EIF4A3: variants seen among roughly 807,000 people sequenced by gnomAD.
EIF4A3 encodes eukaryotic initiation factor 4A-III.
Under a neutral mutation model 55.6 loss-of-function variants are expected in EIF4A3, and 1 was observed. That is an observed-to-expected ratio of 0.02 (90% CI 0.01 to 0.09). EIF4A3 has a LOEUF of 0.09. EIF4A3 is among the 10% of genes least tolerant of loss of function. The pLI is 1.00. For synonymous variants in EIF4A3, 194 were observed against 196.3 expected, an observed-to-expected ratio of 0.99 and a Z score of 0.10; for missense variants, 221 against 540.7, an observed-to-expected ratio of 0.41 and a Z score of 5.86.
rs2039601000 is a variant in EIF4A3, at chr17:80,139,568, AT to A, written c.586+101del. 4 of 993,790 alleles carry A rather than the reference AT, an allele frequency of 4.0e-6. No homozygotes were observed. In the Admixed American group the frequency reaches 7.9e-5, roughly 20 times the overall value. The allele number at this position is 993,790 out of a possible 1,614,324, so 61.6% of individuals were successfully genotyped here. ...ATTGTTTTTCCACGATGAAAACACTATTCACATTCAGAACAGTCACTGGCTG... is the reference window on the plus strand; with the variant it reads ...ATTGTTTTTCCACGATGAAAACACTATCACATTCAGAACAGTCACTGGCTG... On this transcript the variant is annotated intron_variant, in intron 6 of 11. Transcript: ENST00000649764.
rs765388959 is a variant in EIF4A3 at position 80,144,149 on chromosome 17, C to A, written c.242+23G>T. The stretch of plus-strand genomic sequence containing the variant: ...CTGCCCAAATTTACATCCAGCCCTG[C>A]GCCGCACCCCAGGACAACTTACTGT... On this transcript the variant is annotated intron_variant, in intron 2 of 11. Transcript: ENST00000649764. 5.0e-6 allele frequency: 8 copies of A among 1,611,928 alleles called. No individual in the cohort carries two copies. The Admixed American group carries it at 5.0e-5, about 10-fold the overall frequency.
chr17:80,141,175 T>C, intron 4 of EIF4A3, 144 bp downstream of exon 4: 1 of 798,188 alleles, frequency 1.3e-6, no homozygotes, highest in African/African-American at 1.7e-5. Context: ...ATTTATATAA[T>C]GATTAATGGC....
At chr17:80,142,758 T>C (rs866770718) in intron 2 of EIF4A3, among the ~76,000 whole-genome samples, 1 of 151,808 alleles carries the variant, frequency 6.6e-6, no homozygotes, top group Non-Finnish European at 1.5e-5. Context: ...ACAAAAAAAA[T>C]GTTTAGGCCG....
chr17:80,144,130 A>G (rs761148453), intron 2 of EIF4A3, 42 bp downstream of exon 2: 4 of 1,605,104 alleles, frequency 2.5e-6, no homozygotes, highest in Non-Finnish European at 3.4e-6. Context: ...TGCGCTGCCC[A>G]AATTTACATC....
At chr17:80,145,291 G>C (rs1401004078) in intron 1 of EIF4A3, among the ~76,000 whole-genome samples, 1 of 152,182 alleles carries the variant, frequency 6.6e-6, no homozygotes. Flanking sequence ...ACGGCCAGGT[G>C]GGGTGGCTCA....
chr17:80,144,149 C>T (rs765388959), intron 2 of EIF4A3, 23 bp downstream of exon 2: 7 of 1,611,926 alleles, frequency 4.3e-6, no homozygotes, highest in South Asian at 3.3e-5. Context: ...TCCAGCCCTG[C>T]GCCGCACCCC....
rs548922400 is a variant in EIF4A3, at chr17:80,135,647, G to A, written c.1220-141C>T. 650 of 748,952 alleles carry A rather than the reference G, an allele frequency of 8.7e-4. 4 individuals are homozygous for A. In the South Asian group the frequency reaches 0.011, roughly 13 times the overall value. 46.4% of individuals were successfully genotyped at this position (748,952 alleles called of 1,614,324 possible). On this transcript the variant is annotated intron_variant, in intron 11 of 11. Transcript: ENST00000649764. Reference sequence around the variant, plus strand: ...ATAGTGGCTCACGCCTGTAATCCCAGCACTTTGGGAGGCTGAGGTGGGCAG... The same window carrying A: ...ATAGTGGCTCACGCCTGTAATCCCAACACTTTGGGAGGCTGAGGTGGGCAG...
chr17:80,139,844 T>C (rs923845495), intron 5 of EIF4A3, 94 bp from the exon 6 acceptor site: 4 of 1,495,178 alleles, frequency 2.7e-6, no homozygotes, highest in Admixed American at 3.8e-5. Context: ...AGCTCATCAT[T>C]CCACTGGTCT....
At chr17:80,135,660 C>T (rs1308346710) in intron 11 of EIF4A3, 154 bp from the exon 12 acceptor site, 1 of 681,542 alleles carries the variant, frequency 1.5e-6, no homozygotes, top group African/African-American at 1.8e-5. Flanking sequence ...CTTTGGGAGG[C>T]TGAGGTGGGC....
intron 4 of EIF4A3, 135 bp downstream of exon 4, chr17:80,141,184 G>A (rs1217510498): frequency 3.4e-6 from 3 of 873,932 alleles, no homozygotes; most frequent in Admixed American, 2.7e-5. Context: ...ATGATTAATG[G>A]CAAAATGTTA....
chr17:80,137,904 C>T (rs796647524), intron 8 of EIF4A3, among the ~76,000 whole-genome samples: 2 of 152,258 alleles, frequency 1.3e-5, no homozygotes, highest in South Asian at 2.1e-4. Flanking sequence ...CTTCAGCCAA[C>T]GAAATCTGAA....
intron 3 of EIF4A3, among the ~76,000 whole-genome samples, 160 bp from the exon 4 acceptor site, chr17:80,141,541 A>G (rs1006598727): frequency 2.0e-5 from 3 of 152,252 alleles, no homozygotes; most frequent in African/African-American, 7.2e-5. Context: ...TGCAAATCCA[A>G]CAATAACTTA....
At chr17:80,145,328 G>C (rs562207836) in intron 1 of EIF4A3, among the ~76,000 whole-genome samples, 1 of 152,336 alleles carries the variant, frequency 6.6e-6, no homozygotes, top group Admixed American at 6.5e-5. Flanking sequence ...ACTTTGGGAG[G>C]CTGAGGCTGG....
At chr17:80,142,648 G>A (rs1233905184) in intron 2 of EIF4A3, among the ~76,000 whole-genome samples, 1 of 152,200 alleles carries the variant, frequency 6.6e-6, no homozygotes, top group Non-Finnish European at 1.5e-5. Flanking sequence ...GGGAGGTTGA[G>A]GCGGGACGAT....
At chr17:80,140,207 G>A in intron 4 of EIF4A3, 67 bp from the exon 5 acceptor site, 1 of 1,442,470 alleles carries the variant, frequency 6.9e-7, no homozygotes, top group Non-Finnish European at 9.2e-7. Context: ...CAAAAAGAAA[G>A]ACTGTTTCTC....
At chr17:80,141,947 T>A in intron 2 of EIF4A3, 99 bp from the exon 3 acceptor site, 1 of 918,516 alleles carries the variant, frequency 1.1e-6, no homozygotes, top group Admixed American at 2.1e-5. Flanking sequence ...GGTACCTTCT[T>A]CCAGCAAGCC....
At position 80,136,011 on chromosome 17, in the gene EIF4A3, C is replaced by A. The variant is rs377281254; in HGVS notation, c.1212G>T (p.Pro404=). 1 of 1,613,876 alleles carries A rather than the reference C, an allele frequency of 6.2e-7. No individual in the cohort carries two copies. Among genetic ancestry groups the A allele is most frequent in the South Asian group, 1.1e-5 (1 of 91,038 alleles). ...QYYSTQIDEM[P]MNVADLI ...AGCTGGACGATTTCCTACCGTTCATCGGCATCTCATCAATCTGAGTGGAAT... is the reference window on the plus strand; with the variant it reads ...AGCTGGACGATTTCCTACCGTTCATAGGCATCTCATCAATCTGAGTGGAAT... The change falls in exon 11 of 12, where the codon CCG becomes CCT. Residue 404 remains proline (P), a synonymous_variant. Transcript: ENST00000649764.
chr17:80,146,751 C>G, intron 1 of EIF4A3, 42 bp downstream of exon 1: 1 of 1,587,188 alleles, frequency 6.3e-7, no homozygotes, highest in Non-Finnish European at 8.5e-7. Flanking sequence ...GGCTCGCCCC[C>G]GACTCGCCCC....
intron 2 of EIF4A3, among the ~76,000 whole-genome samples, chr17:80,142,467 C>T (rs1350445396): frequency 2.6e-5 from 4 of 152,298 alleles, no homozygotes; most frequent in East Asian, 1.9e-4. Flanking sequence ...ACCCTCATGT[C>T]ACGGCGTGGT....
Sources: gnomAD v4.1 joint callset for allele counts (sites outside exome capture counted in the v4.1 genomes callset) on GRCh38, gnomAD v4.1.1 for gene constraint, MANE v1.5 for transcripts, NCBI Gene and HGNC (gene_info 2026-07-23, HGNC 2026-07-21) for gene names.